The following PNPLA8 variants were observed in gnomAD, a reference collection of about 807,000 sequenced individuals.
PNPLA8 encodes patatin like domain 8, phospholipase A2.
PNPLA8 carries 39 observed loss-of-function variants against 76.9 expected under a neutral mutation model. The ratio of observed to expected loss-of-function variants is 0.51; its 90% confidence interval spans 0.39 to 0.66. The LOEUF is 0.66. Among genes scored for constraint, PNPLA8 ranks in the 30% least tolerant of loss-of-function variants. The probability of loss-of-function intolerance (pLI) is 0.00; values close to 1 mark genes in which losing one functional copy is unlikely to be tolerated. For synonymous variants in PNPLA8, 301 were observed against 307.9 expected (o/e 0.98, Z 0.24); for missense variants, 887 against 918.0 (o/e 0.97, Z 0.44).
At chr7:108,522,840 C>T (rs1485767320) in intron 1 of PNPLA8, among the ~76,000 whole-genome samples, 3 of 152,188 alleles carry the variant, frequency 2.0e-5, no homozygotes, top group Non-Finnish European at 4.4e-5. Context: ...GGAACTATTA[C>T]AAGATTAGAC....
intron 1 of PNPLA8, among the ~76,000 whole-genome samples, chr7:108,522,595 G>A (rs1294835743): frequency 6.6e-6 from 1 of 152,062 alleles, no homozygotes; most frequent in Admixed American, 6.6e-5. Context: ...GACCACCTTG[G>A]GCACATGTCA....
Position 108,471,365 on chromosome 7 carries a change from C to T in PNPLA8, c.*1036G>A, listed in dbSNP as rs997624710. 1.3e-5 allele frequency: 2 copies of T among 152,004 alleles called. No individual in the cohort carries two copies. The highest frequency in any genetic ancestry group is 4.8e-5 in the African/African-American group (2 of 41,352). The allele number at this position is 152,004 out of a possible 1,614,324, so 9.4% of individuals were successfully genotyped here. ...GAGTAGCTGGGACTATAGGTGTGCA[C>T]CACCATGCCGGGCTAATGTTTGTAT... is the stretch of plus-strand genomic sequence containing the variant. On this transcript the variant is annotated 3_prime_UTR_variant, in exon 11 of 11. Coordinates refer to ENST00000257694, the MANE Select transcript of PNPLA8 (RefSeq NM_001256007.3).
intron 9 of PNPLA8, among the ~76,000 whole-genome samples, chr7:108,481,032 A>G (rs1241518282): frequency 2.0e-5 from 3 of 152,178 alleles, no homozygotes; most frequent in African/African-American, 7.2e-5. Flanking sequence ...GACTAATCCA[A>G]GTAGTTGCAT....
At position 108,497,540 on chromosome 7, in the gene PNPLA8, C is replaced by G. The variant is rs759066055; in HGVS notation, c.1396G>C (p.Glu466Gln). ...VALQTLRKLV[E>Q]LTQKPVHQLF... ...TGATGAACTGGCTTCTGAGTAAGTTCAACTAATTTTCGTAGGGTCTGGAGA... is the reference window on the plus strand; with the variant it reads ...TGATGAACTGGCTTCTGAGTAAGTTGAACTAATTTTCGTAGGGTCTGGAGA... The change falls in exon 6 of 11, where the codon GAA becomes CAA. Residue 466 changes from glutamate (E) to glutamine (Q), a missense_variant. Glu to Gln is a conservative substitution (Grantham distance 29). Transcript: ENST00000257694. 1.2e-5 allele frequency: 19 copies of G among 1,611,958 alleles called. No homozygotes were observed. Among genetic ancestry groups the G allele is most frequent in the Non-Finnish European group, 1.5e-5 (18 of 1,178,936 alleles).
intron 8 of PNPLA8, among the ~76,000 whole-genome samples, chr7:108,489,363 T>G (rs1168074921): frequency 6.6e-6 from 1 of 152,174 alleles, no homozygotes; most frequent in Non-Finnish European, 1.5e-5. Flanking sequence ...CTTTAAGAAC[T>G]CTATCATTTC....
rs147463498 is a variant in PNPLA8 at position 108,517,629 on chromosome 7, C to T, written c.-83-2055G>A. On this transcript the variant is annotated intron_variant, in intron 2 of 10. Coordinates refer to ENST00000257694, the MANE Select transcript of PNPLA8 (RefSeq NM_001256007.3). ...ATGAGCTATCAAGCCATAAAAAGAC[C>T]GTGAGAAACCTGAAATGCATATTAC... Among the ~76,000 whole-genome samples, 189 of 152,254 alleles carry T rather than the reference C, an allele frequency of 1.2e-3. 1 individual carries two copies. Among genetic ancestry groups the T allele is most frequent in the African/African-American group, 4.3e-3 (180 of 41,548 alleles).
chr7:108,473,086 A>G (rs1396164417), intron 10 of PNPLA8, among the ~76,000 whole-genome samples: 1 of 152,206 alleles, frequency 6.6e-6, no homozygotes, highest in Non-Finnish European at 1.5e-5. Flanking sequence ...GCACAACAAT[A>G]ATCATGACAT....
chr7:108,512,193 A>G (rs1862984078), intron 4 of PNPLA8, among the ~76,000 whole-genome samples: 1 of 152,238 alleles, frequency 6.6e-6, no homozygotes, highest in African/African-American at 2.4e-5. Context: ...TGTTTTGTTA[A>G]GTCACTGAGA....
chr7:108,517,934 A>T (rs1209424272), intron 2 of PNPLA8, among the ~76,000 whole-genome samples: 1 of 152,200 alleles, frequency 6.6e-6, no homozygotes. Flanking sequence ...TGCCTGGCTT[A>T]GGTAGCTTAT....
At chr7:108,489,038 G>C (rs1468155598) in intron 8 of PNPLA8, among the ~76,000 whole-genome samples, 2 of 152,234 alleles carry the variant, frequency 1.3e-5, no homozygotes, top group Non-Finnish European at 2.9e-5. Context: ...TCTATAGTTG[G>C]CATATAAATA....
chr7:108,506,206 C>G (rs778186443), intron 4 of PNPLA8, among the ~76,000 whole-genome samples: 11 of 151,994 alleles, frequency 7.2e-5, no homozygotes, highest in African/African-American at 1.5e-4. Flanking sequence ...GGTGAAACCC[C>G]GTCTCTACTA....
chr7:108,510,444 C>T (rs572357300), intron 4 of PNPLA8: 33 of 1,462,588 alleles, frequency 2.3e-5, no homozygotes, highest in Admixed American at 3.3e-5. Flanking sequence ...ATTCGAATGG[C>T]GAGGATGGCA....
intron 4 of PNPLA8, among the ~76,000 whole-genome samples, chr7:108,507,189 A>T (rs553507703): frequency 6.6e-6 from 1 of 151,882 alleles, no homozygotes; most frequent in African/African-American, 2.4e-5. Context: ...CTAAAGATAC[A>T]AAAATTAGCT....
At chr7:108,504,046 C>T (rs1862153255) in intron 4 of PNPLA8, among the ~76,000 whole-genome samples, 1 of 152,296 alleles carries the variant, frequency 6.6e-6, no homozygotes, top group South Asian at 2.1e-4. Flanking sequence ...TAAGTGAACA[C>T]ACCCTGGAAG....
chr7:108,497,595 G>T lies in PNPLA8; in HGVS notation c.1359-18C>A. ...CCACGCCCCTACAGAAAAGATTAAA[G>T]ACAAAATGACAATTCCTGTTTAAAG... is the stretch of plus-strand genomic sequence containing the variant. On this transcript the variant is annotated intron_variant, in intron 5 of 10. Transcript: ENST00000257694. The T allele has an allele frequency of 7.2e-7, 1 of 1,391,422 alleles. No homozygotes were observed. The highest frequency in any genetic ancestry group is 9.9e-7 in the Non-Finnish European group (1 of 1,014,960). 86.2% of individuals were successfully genotyped at this position (1,391,422 alleles called of 1,614,324 possible).
Position 108,475,358 on chromosome 7 carries a change from C to G in PNPLA8, c.2075-2683G>C, listed in dbSNP as rs148343778. 8.4e-4 allele frequency among the ~76,000 whole-genome samples: 128 copies of G among 152,220 alleles called. 1 individual carries two copies. Among genetic ancestry groups the G allele is most frequent in the African/African-American group, 3.0e-3 (125 of 41,552 alleles). The stretch of plus-strand genomic sequence containing the variant: ...CCATGTGCGGAAAAACTATCTTCCA[C>G]GAAACCAGTCCTTGGGACCAAAGAG... On this transcript the variant is annotated intron_variant, in intron 10 of 10. Coordinates refer to ENST00000257694, the MANE Select transcript of PNPLA8 (RefSeq NM_001256007.3).
intron 4 of PNPLA8, chr7:108,510,862 C>T (rs1862867602): frequency 2.5e-6 from 4 of 1,595,648 alleles, no homozygotes; most frequent in Non-Finnish European, 2.5e-6. Flanking sequence ...TGTGGCCCTT[C>T]AAATTGTCTT....
intron 9 of PNPLA8, 31 bp from the exon 10 acceptor site, chr7:108,479,410 T>C: frequency 6.7e-7 from 1 of 1,490,026 alleles, no homozygotes; most frequent in Middle Eastern, 1.8e-4. Flanking sequence ...AAAGAAACTT[T>C]TAAAACTGAC....
chr7:108,520,912 A>G, intron 2 of PNPLA8, among the ~76,000 whole-genome samples: 2 of 152,198 alleles, frequency 1.3e-5, no homozygotes, highest in South Asian at 4.1e-4. Context: ...AAAATAAAAA[A>G]TAATTTTATA....
Sources: allele counts gnomAD v4.1 joint callset (sites outside exome capture counted in the v4.1 genomes callset), GRCh38; gene constraint gnomAD v4.1.1; transcripts MANE v1.5; gene names NCBI Gene and HGNC (gene_info 2026-07-23, HGNC 2026-07-21).